PKD1L1: variants seen among roughly 807,000 people sequenced by gnomAD.
PKD1L1 encodes the protein polycystin 1 like 1, transient receptor potential channel interacting.
Under a neutral mutation model 323.4 loss-of-function variants are expected in PKD1L1, and 236 were observed. The observed-to-expected ratio is 0.73, with a 90% confidence interval of 0.66 to 0.81. The LOEUF is 0.81. PKD1L1 is among the 40% of genes least tolerant of loss of function. The pLI, the probability that PKD1L1 is intolerant of heterozygous loss-of-function variation, is 0.00. For synonymous variants in PKD1L1, 1,344 were observed against 1,335.0 expected (o/e 1.01, Z -0.15); for missense variants, 3,320 against 3,508.0 (o/e 0.95, Z 1.35).
chr7:47,852,534 G>A (rs13247692), intron 31 of PKD1L1, among the ~76,000 whole-genome samples: 3 of 152,062 alleles, frequency 2.0e-5, no homozygotes, highest in Non-Finnish European at 4.4e-5. Context: ...TGTAAGGCGC[G>A]TGTCTGGTGA....
chr7:47,786,429 G>A (rs1180221699), intron 56 of PKD1L1, among the ~76,000 whole-genome samples: 1 of 152,136 alleles, frequency 6.6e-6, no homozygotes, highest in Admixed American at 6.5e-5. Context: ...ACTGTGGCAC[G>A]CCAGTCTTCA....
At chr7:47,921,768 T>A (rs1787546800) in intron 7 of PKD1L1, among the ~76,000 whole-genome samples, 2 of 152,174 alleles carry the variant, frequency 1.3e-5, no homozygotes, top group African/African-American at 4.8e-5. Context: ...AGATTATTAT[T>A]CAAAGTGAAG....
intron 13 of PKD1L1, among the ~76,000 whole-genome samples, chr7:47,899,353 G>A (rs1787027535): frequency 6.6e-6 from 1 of 152,154 alleles, no homozygotes; most frequent in South Asian, 2.1e-4. Context: ...AATGTTAATA[G>A]TAGCTGATAC....
In PKD1L1 at chr7:47,843,036, A is replaced by G. The variant is rs1250005492; in HGVS notation, c.5371T>C (p.Ser1791Pro). ...GCATATAGCTGATGGCCCGGCAGGGAAGCTTCTTGCAGAAAGATGTAACCA... is the reference window on the plus strand; with the variant it reads ...GCATATAGCTGATGGCCCGGCAGGGGAGCTTCTTGCAGAAAGATGTAACCA... Reference protein sequence around the residue: ...KAGYIFLQEASLPGHQLYAVV... With the variant: ...KAGYIFLQEAPLPGHQLYAVV... The change falls in exon 34 of 57, where the codon TCC becomes CCC. Residue 1791 changes from serine (S) to proline (P), a missense_variant. Ser to Pro is a moderately conservative substitution (Grantham distance 74). Coordinates refer to ENST00000289672, the MANE Select transcript of PKD1L1 (RefSeq NM_138295.5). 6.2e-7 allele frequency: 1 copy of G among 1,613,964 alleles called. No homozygotes were observed. Among genetic ancestry groups the G allele is most frequent in the Non-Finnish European group, 8.5e-7 (1 of 1,179,912 alleles).
At chr7:47,884,988 G>A (rs1336367183) in intron 18 of PKD1L1, among the ~76,000 whole-genome samples, 14 of 152,174 alleles carry the variant, frequency 9.2e-5, no homozygotes, top group Admixed American at 3.3e-4. Flanking sequence ...CTCTTCAAGC[G>A]AGTCTTTTAC....
chr7:47,854,469 A>G (rs2128741475), intron 30 of PKD1L1, among the ~76,000 whole-genome samples: 1 of 152,334 alleles, frequency 6.6e-6, no homozygotes, highest in Non-Finnish European at 1.5e-5. Flanking sequence ...TTATTTATTA[A>G]CTGGGGCCTA....
At chr7:47,844,902 T>C (rs1785632345) in intron 33 of PKD1L1, 93 bp downstream of exon 33, 3 of 1,013,598 alleles carry the variant, frequency 3.0e-6, no homozygotes, top group Non-Finnish European at 4.3e-6. Flanking sequence ...GTAACATGGA[T>C]TTCAAGCACC....
intron 7 of PKD1L1, among the ~76,000 whole-genome samples, chr7:47,919,370 T>G (rs1787491270): frequency 1.3e-5 from 2 of 152,084 alleles, no homozygotes; most frequent in Non-Finnish European, 2.9e-5. Context: ...GCACTGAGAT[T>G]GAAATGTTAA....
chr7:47,822,796 A>G (rs1219809894), intron 45 of PKD1L1, among the ~76,000 whole-genome samples: 1 of 152,116 alleles, frequency 6.6e-6, no homozygotes, highest in Non-Finnish European at 1.5e-5. Flanking sequence ...GTTTTCTTAG[A>G]CTTACATCCA....
intron 52 of PKD1L1, among the ~76,000 whole-genome samples, chr7:47,807,243 G>A (rs7806630): frequency 0.17 from 26,362 of 151,882 alleles, 2,509 homozygotes; most frequent in African/African-American, 0.24. Context: ...AGCCTAGGGA[G>A]TTTCTCTTGC....
chr7:47,897,530 G>A (rs563147119), intron 14 of PKD1L1, among the ~76,000 whole-genome samples: 9 of 152,180 alleles, frequency 5.9e-5, no homozygotes, highest in South Asian at 2.1e-4. Context: ...CTTTTAACTC[G>A]CATATTTTCA....
At chr7:47,924,418 C>T (rs183318234) in intron 7 of PKD1L1, among the ~76,000 whole-genome samples, 7 of 152,196 alleles carry the variant, frequency 4.6e-5, no homozygotes, top group Non-Finnish European at 1.0e-4. Flanking sequence ...AAAAATATCT[C>T]AAAATCAGAT....
In PKD1L1 at chr7:47,833,260, G is replaced by A; in HGVS notation, c.6175-8C>T. ...AATGGCTGATGCAGGTTGCTAGAAT[G>A]ACAAGGTCATGCCAAGGTTAATATC... On this transcript the variant is annotated splice_polypyrimidine_tract_variant and splice_region_variant and intron_variant, in intron 40 of 56. Coordinates refer to ENST00000289672, the MANE Select transcript of PKD1L1 (RefSeq NM_138295.5). 6.2e-7 allele frequency: 1 copy of A among 1,611,100 alleles called. No homozygotes were observed. Among genetic ancestry groups the A allele is most frequent in the Non-Finnish European group, 8.5e-7 (1 of 1,178,448 alleles).
chr7:47,839,363 C>T lies in PKD1L1; in HGVS notation c.5769+83G>A. ...ACTTTAGAAGAGTTCAAAGACACAA[C>T]TGTGGCAAGCGAAGCAGAGACAGGT... is the stretch of plus-strand genomic sequence containing the variant. On this transcript the variant is annotated intron_variant, in intron 36 of 56. Transcript: ENST00000289672. This position sits in a 1 kb window ranked among gnomAD's most constrained non-coding sequence, Gnocchi z 4.3. 2.7e-6 allele frequency: 3 copies of T among 1,121,744 alleles called. No individual in the cohort carries two copies. The highest frequency in any genetic ancestry group is 1.5e-5 in the South Asian group (1 of 65,914). The allele number at this position is 1,121,744 out of a possible 1,614,324, so 69.5% of individuals were successfully genotyped here.
intron 14 of PKD1L1, among the ~76,000 whole-genome samples, 156 bp from the exon 15 acceptor site, chr7:47,894,215 T>C (rs1688122905): frequency 6.6e-6 from 1 of 152,194 alleles, no homozygotes; most frequent in African/African-American, 2.4e-5. Context: ...ATAACCACTC[T>C]ACTGTACGAC....
chr7:47,850,415 C>T (rs769736850), intron 31 of PKD1L1, among the ~76,000 whole-genome samples: 2 of 151,938 alleles, frequency 1.3e-5, no homozygotes, highest in Non-Finnish European at 2.9e-5. Flanking sequence ...ATGGATGACC[C>T]GAGGTCAGGA....
chr7:47,865,108 A>C, intron 26 of PKD1L1, 108 bp downstream of exon 26: 1 of 770,238 alleles, frequency 1.3e-6, no homozygotes, highest in Non-Finnish European at 2.1e-6. Flanking sequence ...CACATTTCTA[A>C]TCTAAGTGTC....
intron 56 of PKD1L1, among the ~76,000 whole-genome samples, chr7:47,779,250 C>T (rs1462543842): frequency 2.0e-5 from 3 of 152,208 alleles, no homozygotes; most frequent in Non-Finnish European, 4.4e-5. Flanking sequence ...GGCCCCATCA[C>T]CTGAGAGCAG....
chr7:47,831,483 G>A, intron 41 of PKD1L1, 131 bp from the exon 42 acceptor site: 1 of 1,234,778 alleles, frequency 8.1e-7, no homozygotes, highest in Non-Finnish European at 1.1e-6. Context: ...GGTTAAATGT[G>A]ATTTTTGAGT....
Sources: gnomAD v4.1 joint callset for allele counts (sites outside exome capture counted in the v4.1 genomes callset) on GRCh38, gnomAD v4.1.1 for gene constraint, Gnocchi (gnomAD v3.1) non-coding constraint, MANE v1.5 for transcripts, NCBI Gene and HGNC (gene_info 2026-07-23, HGNC 2026-07-21) for gene names.